PTPRZ1: variants seen among roughly 807,000 people sequenced by gnomAD.
PTPRZ1 encodes the protein receptor-type tyrosine-protein phosphatase zeta.
A neutral mutation model predicts 214.1 loss-of-function variants in PTPRZ1; 82 were observed. The observed-to-expected ratio is 0.38, with a 90% CI of 0.32 to 0.46. The LOEUF (loss-of-function observed/expected upper bound fraction) is 0.46. Ranked by LOEUF, PTPRZ1 falls within the 20% of genes least tolerant of loss-of-function variation. PTPRZ1 has a pLI of 1.00. For missense variants in PTPRZ1, 2,603 were observed against 2,748.7 expected, an observed-to-expected ratio of 0.95 and a Z score of 1.19; for synonymous variants, 945 against 987.9, an observed-to-expected ratio of 0.96 and a Z score of 0.81.
intron 1 of PTPRZ1, among the ~76,000 whole-genome samples, chr7:121,890,120 A>T (rs1447149788): frequency 6.6e-6 from 1 of 152,136 alleles, no homozygotes; most frequent in Non-Finnish European, 1.5e-5. Context: ...GATAACTCCC[A>T]AATTTGTCTT....
chr7:122,031,599 T>C (rs377400045), intron 15 of PTPRZ1, 40 bp downstream of exon 15: 7 of 1,393,596 alleles, frequency 5.0e-6, no homozygotes, highest in East Asian at 2.5e-5. Flanking sequence ...ATATAGAAAA[T>C]AGTAAAATTT....
chr7:122,022,304 C>T (rs1225585884), intron 13 of PTPRZ1, among the ~76,000 whole-genome samples: 1 of 152,092 alleles, frequency 6.6e-6, no homozygotes, highest in Non-Finnish European at 1.5e-5. Context: ...GCTTGTTGGA[C>T]AGTTGTATAT....
intron 27 of PTPRZ1, among the ~76,000 whole-genome samples, chr7:122,056,920 A>G (rs1235062584): frequency 1.3e-5 from 2 of 152,066 alleles, no homozygotes; most frequent in Middle Eastern, 3.4e-3. Context: ...AATTATGTGT[A>G]TTATGCTACT....
At chr7:121,946,675 T>G (rs561564718) in intron 2 of PTPRZ1, among the ~76,000 whole-genome samples, 118 of 152,304 alleles carry the variant, frequency 7.7e-4, no homozygotes, top group Non-Finnish European at 1.4e-3. Context: ...AAATACTTTC[T>G]AATTACAAGA....
intron 27 of PTPRZ1, among the ~76,000 whole-genome samples, chr7:122,058,159 A>G (rs1273857316): frequency 1.3e-5 from 2 of 151,644 alleles, no homozygotes; most frequent in East Asian, 3.9e-4. Context: ...TATCTTGGCT[A>G]TTTTGGCCCT....
At chr7:121,926,814 A>G (rs1001338261) in intron 1 of PTPRZ1, among the ~76,000 whole-genome samples, 2 of 152,258 alleles carry the variant, frequency 1.3e-5, no homozygotes, top group African/African-American at 4.8e-5. Flanking sequence ...TTATATTTTA[A>G]TAAAACTATT....
At chr7:121,977,026 C>T (rs1432369835) in intron 6 of PTPRZ1, among the ~76,000 whole-genome samples, 175 bp downstream of exon 6, 1 of 152,054 alleles carries the variant, frequency 6.6e-6, no homozygotes, top group Non-Finnish European at 1.5e-5. Context: ...AAATAAATAA[C>T]AATTTATCAG....
At chr7:121,961,632 T>G (rs534712826) in intron 2 of PTPRZ1, among the ~76,000 whole-genome samples, 43 of 152,350 alleles carry the variant, frequency 2.8e-4, no homozygotes, top group Admixed American at 1.1e-3. Flanking sequence ...TTGCTTTCCA[T>G]TCCGCTTGGA....
intron 27 of PTPRZ1, among the ~76,000 whole-genome samples, chr7:122,056,101 A>G (rs939953741): frequency 6.6e-6 from 1 of 151,858 alleles, no homozygotes; most frequent in African/African-American, 2.4e-5. Context: ...GCTAATTTCT[A>G]TCTCTGATTA....
intron 1 of PTPRZ1, among the ~76,000 whole-genome samples, chr7:121,896,913 T>C (rs1486310557): frequency 1.3e-5 from 2 of 152,154 alleles, no homozygotes; most frequent in Non-Finnish European, 2.9e-5. Context: ...GGTGAGATAT[T>C]TTTCATTGCT....
intron 1 of PTPRZ1, among the ~76,000 whole-genome samples, chr7:121,874,358 A>AGT (rs1234544802): frequency 1.3e-5 from 2 of 152,190 alleles, no homozygotes; most frequent in Non-Finnish European, 2.9e-5. Flanking sequence ...CAAGTTTTCC[A>AGT]GTCATTTTCG....
intron 13 of PTPRZ1, among the ~76,000 whole-genome samples, chr7:122,026,170 A>T (rs1799201607): frequency 6.6e-6 from 1 of 152,110 alleles, no homozygotes; most frequent in African/African-American, 2.4e-5. Context: ...AAATCTAGGA[A>T]ATAAGGAGGA....
At chr7:121,924,484 C>T (rs1795698040) in intron 1 of PTPRZ1, among the ~76,000 whole-genome samples, 1 of 152,006 alleles carries the variant, frequency 6.6e-6, no homozygotes, top group Admixed American at 6.6e-5. Context: ...ATTAAGGGAA[C>T]AATACATAAA....
In PTPRZ1 at chr7:121,873,163, A is replaced by ACCGCGGCCG. The variant is rs1350674690; in HGVS notation, c.-332_-324dup. ...GCTTCGCTGCTCTCGGAGCGCTCAGACCGCGGCCGCCGCAGCCGGCGAAAG... is the reference window on the plus strand; with the variant it reads ...GCTTCGCTGCTCTCGGAGCGCTCAGACCGCGGCCGCCGCGGCCGCCGCAGCCGGCGAAAG... On this transcript the variant is annotated 5_prime_UTR_variant, in exon 1 of 30. Transcript: ENST00000393386. 1 of 413,454 alleles carries ACCGCGGCCG rather than the reference A, an allele frequency of 2.4e-6. No individual in the cohort carries two copies. The highest frequency in any genetic ancestry group is 4.3e-6 in the Non-Finnish European group (1 of 235,188). 25.6% of individuals were successfully genotyped at this position (413,454 alleles called of 1,614,324 possible). A position where few individuals can be genotyped will look rare whatever the true frequency, so the allele number is the denominator to read the frequency against.
chr7:122,044,370 T>C, intron 22 of PTPRZ1, 52 bp from the exon 23 acceptor site: 1 of 1,602,966 alleles, frequency 6.2e-7, no homozygotes, highest in Non-Finnish European at 8.5e-7. Context: ...TGTAGGTAGA[T>C]ACATATGAGG....
At position 122,051,536 on chromosome 7, in the gene PTPRZ1, T is replaced by C; in HGVS notation, c.6178+15T>C. ...TATCATCCCTGGTAAGTTGTGTTGA[T>C]CCTTGAAAAAACAACTTTTTTAAAA... On this transcript the variant is annotated intron_variant, in intron 24 of 29. Transcript: ENST00000393386. 6.3e-7 allele frequency: 1 copy of C among 1,597,888 alleles called. No individual in the cohort carries two copies. Among genetic ancestry groups the C allele is most frequent in the Non-Finnish European group, 8.5e-7 (1 of 1,173,052 alleles).
At chr7:121,969,236 C>CA (rs1283351736) in intron 3 of PTPRZ1, among the ~76,000 whole-genome samples, 1 of 150,750 alleles carries the variant, frequency 6.6e-6, no homozygotes, top group Non-Finnish European at 1.5e-5. Flanking sequence ...AGATCCTATC[C>CA]AAAAAATCAA....
chr7:122,053,107 TGGCACTGGA>T (rs1425544312), intron 25 of PTPRZ1, among the ~76,000 whole-genome samples: 2 of 152,114 alleles, frequency 1.3e-5, no homozygotes, highest in South Asian at 2.1e-4. Context: ...GAAGGGTTCA[TGGCACTGGA>T]GGCCACATGC....
chr7:121,938,901 C>A (rs140381908), intron 2 of PTPRZ1, among the ~76,000 whole-genome samples: 59 of 151,710 alleles, frequency 3.9e-4, no homozygotes, highest in African/African-American at 1.3e-3. Context: ...ATAGTAGTAC[C>A]TGCTTTTATC....
Sources: allele counts gnomAD v4.1 joint callset (sites outside exome capture counted in the v4.1 genomes callset), GRCh38; gene constraint gnomAD v4.1.1; transcripts MANE v1.5; gene names NCBI Gene and HGNC (gene_info 2026-07-23, HGNC 2026-07-21).